PRKN: variants seen among roughly 807,000 people sequenced by gnomAD.
PRKN encodes the protein parkin RBR E3 ubiquitin protein ligase.
In PRKN, 56 loss-of-function variants were observed where a neutral mutation model predicts 59.5. The ratio of observed to expected loss-of-function variants is 0.94; its 90% CI spans 0.76 to 1.18. PRKN has a LOEUF of 1.18. PRKN is among the 50% of genes most tolerant of loss of function. The pLI is 0.00. For synonymous variants in PRKN, 250 were observed against 222.1 expected (o/e 1.13, Z -1.12); for missense variants, 657 against 596.4 (o/e 1.10, Z -1.06).
At chr6:162,020,696 G>A (rs9355974) in intron 5 of PRKN, among the ~76,000 whole-genome samples, 2 of 152,158 alleles carry the variant, frequency 1.3e-5, no homozygotes, top group African/African-American at 4.8e-5. Context: ...GTGGAATTCA[G>A]AAATTGATTT....
At chr6:161,628,041 T>G (rs776052346) in intron 7 of PRKN, among the ~76,000 whole-genome samples, 1 of 152,204 alleles carries the variant, frequency 6.6e-6, no homozygotes. Flanking sequence ...GATGGTGTCA[T>G]GTATCATGTC....
At chr6:161,810,004 A>T (rs1171030910) in intron 6 of PRKN, among the ~76,000 whole-genome samples, 3 of 152,258 alleles carry the variant, frequency 2.0e-5, no homozygotes, top group Non-Finnish European at 4.4e-5. Context: ...ATACTCATAC[A>T]TACATAGTAT....
chr6:162,283,375 T>A (rs1317858612), intron 2 of PRKN, among the ~76,000 whole-genome samples: 1 of 152,116 alleles, frequency 6.6e-6, no homozygotes, highest in East Asian at 1.9e-4. Flanking sequence ...TACGTGTGAG[T>A]GTGTGTGTTT....
At chr6:162,439,991 G>C (rs768033741) in intron 2 of PRKN, among the ~76,000 whole-genome samples, 5 of 152,222 alleles carry the variant, frequency 3.3e-5, no homozygotes, top group Admixed American at 1.3e-4. Flanking sequence ...GACTCCACGA[G>C]TCAACTGTAC....
At chr6:161,641,505 T>C (rs117014981) in intron 7 of PRKN, among the ~76,000 whole-genome samples, 5,936 of 152,272 alleles carry the variant, frequency 0.039, 147 homozygotes, top group Non-Finnish European at 0.056. Context: ...TTCAACTTCT[T>C]ACCTACCAAA....
At chr6:162,387,555 C>CACAGAG (rs1212726833) in intron 2 of PRKN, among the ~76,000 whole-genome samples, 96 of 95,624 alleles carry the variant, frequency 1.0e-3, no homozygotes, top group African/African-American at 1.8e-3. Flanking sequence ...CACACACACA[C>CACAGAG]AGAGAGAGAG....
intron 9 of PRKN, among the ~76,000 whole-genome samples, chr6:161,411,563 C>A (rs1300394623): frequency 1.3e-5 from 2 of 152,186 alleles, no homozygotes; most frequent in African/African-American, 2.4e-5. Flanking sequence ...GCCTAAGAGA[C>A]CAACACAGTG....
chr6:161,543,237 A>T (rs540137317), intron 9 of PRKN, among the ~76,000 whole-genome samples: 3 of 152,348 alleles, frequency 2.0e-5, no homozygotes, highest in African/African-American at 7.2e-5. Context: ...AACCTCCAAC[A>T]GTATTTTAAT....
At chr6:162,727,318 T>G (rs1779290596) in intron 1 of PRKN, 5 of 337,448 alleles carry the variant, frequency 1.5e-5, no homozygotes, top group East Asian at 5.7e-5. Flanking sequence ...GGGGCGAAGG[T>G]GAGGGGCGGC....
intron 5 of PRKN, among the ~76,000 whole-genome samples, chr6:162,007,129 C>T (rs776093621): frequency 3.3e-5 from 5 of 151,940 alleles, no homozygotes; most frequent in Non-Finnish European, 7.4e-5. Flanking sequence ...TTTAATTTTG[C>T]CTGAAAAAGC....
intron 5 of PRKN, among the ~76,000 whole-genome samples, chr6:162,035,411 G>C (rs1343503563): frequency 2.6e-5 from 4 of 152,084 alleles, no homozygotes; most frequent in Non-Finnish European, 5.9e-5. Context: ...GGGGTGCTAG[G>C]TTTTCTCAGA....
intron 7 of PRKN, among the ~76,000 whole-genome samples, chr6:161,753,201 G>T (rs1788766863): frequency 6.6e-6 from 1 of 152,134 alleles, no homozygotes; most frequent in Non-Finnish European, 1.5e-5. Flanking sequence ...TGCTGATGAA[G>T]AGTTGCATGA....
intron 2 of PRKN, among the ~76,000 whole-genome samples, chr6:162,382,507 A>G (rs1267186265): frequency 6.6e-6 from 1 of 152,246 alleles, no homozygotes; most frequent in Non-Finnish European, 1.5e-5. Flanking sequence ...ATATAAAAAC[A>G]GCATACAAAC....
chr6:162,175,431 C>A (rs1459386983), intron 4 of PRKN, among the ~76,000 whole-genome samples: 1 of 152,156 alleles, frequency 6.6e-6, no homozygotes, highest in African/African-American at 2.4e-5. Context: ...TCCTGAATAG[C>A]TATAGGATAT....
intron 7 of PRKN, among the ~76,000 whole-genome samples, chr6:161,665,230 C>T (rs1784683794): frequency 6.6e-6 from 1 of 151,838 alleles, no homozygotes; most frequent in Non-Finnish European, 1.5e-5. Context: ...GTATTATGTT[C>T]CTAAATCTGG....
chr6:161,411,533 G>C (rs1284925132), intron 9 of PRKN, among the ~76,000 whole-genome samples: 1 of 152,170 alleles, frequency 6.6e-6, no homozygotes, highest in African/African-American at 2.4e-5. Context: ...AGAGAGTCTG[G>C]GGGCCATGGC....
intron 4 of PRKN, among the ~76,000 whole-genome samples, chr6:162,155,868 A>G (rs1053220775): frequency 6.6e-5 from 10 of 152,022 alleles, no homozygotes; most frequent in Admixed American, 1.3e-4. Flanking sequence ...CCAAAACGTG[A>G]TAAGTGATTA....
chr6:161,557,874 G>T (rs1310224494), intron 8 of PRKN, among the ~76,000 whole-genome samples: 1 of 152,022 alleles, frequency 6.6e-6, no homozygotes, highest in African/African-American at 2.4e-5. Flanking sequence ...TATCCTTTTG[G>T]GGGCACTCAG....
intron 7 of PRKN, among the ~76,000 whole-genome samples, chr6:161,695,865 G>A (rs1196509045): frequency 6.6e-6 from 1 of 151,998 alleles, no homozygotes; most frequent in Non-Finnish European, 1.5e-5. Flanking sequence ...TAGGAAGAGT[G>A]AGCTTAGATC....
Sources: gnomAD v4.1 joint callset for allele counts (sites outside exome capture counted in the v4.1 genomes callset) on GRCh38, gnomAD v4.1.1 for gene constraint, MANE v1.5 for transcripts, NCBI Gene and HGNC (gene_info 2026-07-23, HGNC 2026-07-21) for gene names.